The following B3GNT2 variants were observed in gnomAD, a reference collection of about 807,000 sequenced individuals.
The protein encoded by B3GNT2 is UDP-GlcNAc:betaGal beta-1,3-N-acetylglucosaminyltransferase 2.
A neutral mutation model predicts 27.6 loss-of-function variants in B3GNT2; 12 were observed. The observed-to-expected ratio is 0.44, with a 90% CI of 0.28 to 0.71. The LOEUF (loss-of-function observed/expected upper bound fraction) is 0.71. Ranked by LOEUF, B3GNT2 falls within the 30% of genes least tolerant of loss-of-function variation. The pLI is 0.17. For synonymous variants in B3GNT2, 192 were observed against 189.7 expected (o/e 1.01, Z -0.10); for missense variants, 413 against 488.5 (o/e 0.85, Z 1.46).
intron 1 of B3GNT2, among the ~76,000 whole-genome samples, chr2:62,220,778 C>T (rs1227395352): frequency 2.0e-5 from 3 of 152,162 alleles, no homozygotes; most frequent in Non-Finnish European, 4.4e-5. Flanking sequence ...TAGAACATTG[C>T]CATCCCACTT....
At chr2:62,207,684 A>G (rs1674402774) in intron 1 of B3GNT2, among the ~76,000 whole-genome samples, 1 of 152,178 alleles carries the variant, frequency 6.6e-6, no homozygotes, top group Admixed American at 6.5e-5. Context: ...TGCGCAGTTC[A>G]CAAAGGGTTC....
intron 1 of B3GNT2, among the ~76,000 whole-genome samples, chr2:62,199,097 C>G (rs1047324081): frequency 6.6e-6 from 1 of 152,200 alleles, no homozygotes; most frequent in African/African-American, 2.4e-5. Flanking sequence ...TCCACCACCA[C>G]GCCTGGCTAA....
chr2:62,197,874 CCTG>C (rs1430806830), intron 1 of B3GNT2, among the ~76,000 whole-genome samples: 1 of 152,200 alleles, frequency 6.6e-6, no homozygotes, highest in African/African-American at 2.4e-5. Flanking sequence ...TGTCCTAACT[CCTG>C]CTCCTGGTTC....
chr2:62,211,005 TTA>T (rs1446111146), intron 1 of B3GNT2, among the ~76,000 whole-genome samples: 1 of 152,128 alleles, frequency 6.6e-6, no homozygotes, highest in Non-Finnish European at 1.5e-5. Flanking sequence ...AGGAGGGTGT[TTA>T]TGTGTTTTCA....
chr2:62,218,642 G>C (rs1455834149), intron 1 of B3GNT2, among the ~76,000 whole-genome samples: 1 of 152,234 alleles, frequency 6.6e-6, no homozygotes, highest in African/African-American at 2.4e-5. Context: ...GATCCAGAGA[G>C]TCCTGGATTG....
chr2:62,217,877 G>T (rs1674605646), intron 1 of B3GNT2, among the ~76,000 whole-genome samples: 1 of 152,148 alleles, frequency 6.6e-6, no homozygotes, highest in South Asian at 2.1e-4. Context: ...CTGTTATACT[G>T]TCTTTCTAAA....
At chr2:62,204,036 T>C (rs1454063985) in intron 1 of B3GNT2, among the ~76,000 whole-genome samples, 1 of 152,104 alleles carries the variant, frequency 6.6e-6, no homozygotes, top group Non-Finnish European at 1.5e-5. Context: ...TGCTTCAGAA[T>C]TTTTTTTGAG....
chr2:62,204,645 T>C (rs1674333307), intron 1 of B3GNT2, among the ~76,000 whole-genome samples: 1 of 152,260 alleles, frequency 6.6e-6, no homozygotes, highest in Non-Finnish European at 1.5e-5. Context: ...AACTTTATTC[T>C]TGAGATGCAG....
In B3GNT2 at chr2:62,224,220, A is replaced by C. The variant is rs750869049; in HGVS notation, c.*806A>C. On this transcript the variant is annotated 3_prime_UTR_variant, in exon 2 of 2. Coordinates refer to ENST00000301998, the MANE Select transcript of B3GNT2 (RefSeq NM_006577.6). ...AGTGAATTTTCAATATGGACCAGGA[A>C]GGCATATGTATTTTGAACTTGAGTG... 1 of 167,118 alleles carries C rather than the reference A, an allele frequency of 6.0e-6. No homozygotes were observed. Among genetic ancestry groups the C allele is most frequent in the Non-Finnish European group, 1.5e-5 (1 of 68,128 alleles). The allele number at this position is 167,118 out of a possible 1,614,324, so 10.4% of individuals were successfully genotyped here. A position where few individuals can be genotyped will look rare whatever the true frequency, so the allele number is the denominator to read the frequency against.
At chr2:62,209,997 G>A (rs188908356) in intron 1 of B3GNT2, among the ~76,000 whole-genome samples, 2 of 152,254 alleles carry the variant, frequency 1.3e-5, no homozygotes, top group African/African-American at 2.4e-5. Flanking sequence ...CCCTGGATAC[G>A]TTAAACCATT....
At chr2:62,214,383 A>T (rs78975249) in intron 1 of B3GNT2, among the ~76,000 whole-genome samples, 1 of 116,658 alleles carries the variant, frequency 8.6e-6, no homozygotes, top group Admixed American at 1.1e-4. Context: ...TAATAGAAGC[A>T]CCTGGCTCCT....
chr2:62,206,701 T>A (rs949687210), intron 1 of B3GNT2, among the ~76,000 whole-genome samples: 2 of 152,190 alleles, frequency 1.3e-5, no homozygotes, highest in African/African-American at 4.8e-5. Flanking sequence ...AGTACAACAT[T>A]ATTTAAAAAT....
intron 1 of B3GNT2, among the ~76,000 whole-genome samples, chr2:62,221,056 A>T: frequency 6.6e-6 from 1 of 152,178 alleles, no homozygotes; most frequent in East Asian, 1.9e-4. Context: ...CAGGATCAAG[A>T]CCTACATGGT....
At chr2:62,219,701 T>C (rs577166342) in intron 1 of B3GNT2, among the ~76,000 whole-genome samples, 7 of 152,362 alleles carry the variant, frequency 4.6e-5, no homozygotes, top group South Asian at 4.1e-4. Context: ...GGGCTCACTT[T>C]AGCATTAGGA....
chr2:62,197,643 G>C (rs1196298132), intron 1 of B3GNT2, among the ~76,000 whole-genome samples: 1 of 152,236 alleles, frequency 6.6e-6, no homozygotes, highest in Non-Finnish European at 1.5e-5. Context: ...GGTGAATATA[G>C]AATTCTACTT....
intron 1 of B3GNT2, among the ~76,000 whole-genome samples, chr2:62,204,175 C>T (rs1220609132): frequency 6.6e-6 from 1 of 152,176 alleles, no homozygotes; most frequent in Non-Finnish European, 1.5e-5. Context: ...TACAGGCATG[C>T]ACCACCATGC....
In B3GNT2 at chr2:62,222,272, A is replaced by G; in HGVS notation, c.52A>G (p.Asn18Asp). The change falls in exon 2 of 2, where the codon AAT becomes GAT. Residue 18 changes from asparagine to aspartate, a missense_variant. Transcript: ENST00000301998. The surrounding 1 kb of genome is among the most constrained non-coding windows in gnomAD (Gnocchi z 4.2). ...IKLLGILMMA[N>D]VFIYFIMEVS... is the part of the protein sequence containing the mutation. Reference sequence around the variant, plus strand: ...GTTGTTGGGTATCCTGATGATGGCAAATGTCTTCATTTATTTTATTATGGA... The same window carrying G: ...GTTGTTGGGTATCCTGATGATGGCAGATGTCTTCATTTATTTTATTATGGA... The G allele has an allele frequency of 1.2e-6, 2 of 1,612,994 alleles. No individual in the cohort carries two copies. Among genetic ancestry groups the G allele is most frequent in the South Asian group, 1.1e-5 (1 of 90,724 alleles).
intron 1 of B3GNT2, among the ~76,000 whole-genome samples, chr2:62,214,224 CTG>C (rs904405474): frequency 6.0e-4 from 92 of 152,168 alleles, no homozygotes; most frequent in African/African-American, 1.9e-3. Flanking sequence ...TCTGGGGGAA[CTG>C]TGGGAACAGC....
At chr2:62,217,680 G>C (rs1272723300) in intron 1 of B3GNT2, among the ~76,000 whole-genome samples, 1 of 152,252 alleles carries the variant, frequency 6.6e-6, no homozygotes, top group Admixed American at 6.5e-5. Flanking sequence ...CCGGTCCCCA[G>C]CGTGCGGCGG....
Sources: allele counts gnomAD v4.1 joint callset (sites outside exome capture counted in the v4.1 genomes callset), GRCh38; gene constraint gnomAD v4.1.1; non-coding constraint Gnocchi (gnomAD v3.1); transcripts MANE v1.5; gene names NCBI Gene and HGNC (gene_info 2026-07-23, HGNC 2026-07-21).